ERN1: variants seen among roughly 807,000 people sequenced by gnomAD.
ERN1 encodes the protein serine/threonine-protein kinase/endoribonuclease IRE1.
ERN1 carries 39 observed loss-of-function variants against 113.1 expected under a neutral mutation model. The ratio of observed to expected loss-of-function variants is 0.34; its 90% CI spans 0.27 to 0.45. The LOEUF (loss-of-function observed/expected upper bound fraction) is 0.45. ERN1 is among the 20% of genes least tolerant of loss of function. The pLI is 1.00. For missense variants in ERN1, 976 were observed against 1,274.8 expected, an observed-to-expected ratio of 0.77 and a Z score of 3.57; for synonymous variants, 507 against 515.9, an observed-to-expected ratio of 0.98 and a Z score of 0.23.
chr17:64,095,176 C>T (rs994759157), intron 2 of ERN1, among the ~76,000 whole-genome samples: 15 of 152,178 alleles, frequency 9.9e-5, no homozygotes, highest in African/African-American at 3.6e-4. Context: ...CAGTGGCTCA[C>T]ATCTTTAATC....
At chr17:64,125,375 T>G (rs1040016115) in intron 1 of ERN1, among the ~76,000 whole-genome samples, 1 of 152,190 alleles carries the variant, frequency 6.6e-6, no homozygotes, top group South Asian at 2.1e-4. Flanking sequence ...ATGATCCCTA[T>G]GGCCACAGCA....
chr17:64,055,799 C>G lies in ERN1; in HGVS notation c.1548G>C (p.Pro516=), dbSNP rs1201245589. Reference sequence around the variant, plus strand: ...TGCTGGTGCCCGAGCTCTCTGAGTACGGGCCAGACGTGTCCAGGAGCTCGC... The same window carrying G: ...TGCTGGTGCCCGAGCTCTCTGAGTAGGGGCCAGACGTGTCCAGGAGCTCGC... ...QDGELLDTSG[P]YSESSGTSSP... The change falls in exon 13 of 22, where the codon CCG becomes CCC. Residue 516 remains proline (P), a synonymous_variant. Transcript: ENST00000433197. The G allele has an allele frequency of 3.7e-5, 59 of 1,586,574 alleles. No individual in the cohort carries two copies. Among genetic ancestry groups the G allele is most frequent in the Non-Finnish European group, 4.7e-5 (55 of 1,166,960 alleles).
rs538972227 is a variant in ERN1 at position 64,062,014 on chromosome 17, G to A, written c.1088-1427C>T. Among the ~76,000 whole-genome samples the A allele has an allele frequency of 3.9e-5, 6 of 152,304 alleles. No homozygotes were observed. In the South Asian group the frequency reaches 1.0e-3, roughly 26 times the overall value. On this transcript the variant is annotated intron_variant, in intron 10 of 21. Coordinates refer to ENST00000433197, the MANE Select transcript of ERN1 (RefSeq NM_001433.5). ...GGAGCTGGGCCTTCACTGATATCACGCTGTACACACTGGACCAACCACTGT... is the reference window on the plus strand; with the variant it reads ...GGAGCTGGGCCTTCACTGATATCACACTGTACACACTGGACCAACCACTGT...
rs1912608573 is a variant in ERN1, at chr17:64,049,240, G to C, written c.2254-38C>G. The C allele has an allele frequency of 6.5e-7, 1 of 1,537,742 alleles. No homozygotes were observed. Among genetic ancestry groups the C allele is most frequent in the South Asian group, 1.2e-5 (1 of 81,928 alleles). On this transcript the variant is annotated intron_variant, in intron 17 of 21. Coordinates refer to ENST00000433197, the MANE Select transcript of ERN1 (RefSeq NM_001433.5). This position sits in a 1 kb window ranked among gnomAD's most constrained non-coding sequence, Gnocchi z 4.7. ...ATGAGGCGTGAGAGGTCTGGGAGCA[G>C]AGTTTTCATCCTCACTCACAGTCAG...
intron 2 of ERN1, among the ~76,000 whole-genome samples, chr17:64,091,249 C>T (rs2172680): frequency 0.09 from 13,749 of 152,222 alleles, 659 homozygotes; most frequent in African/African-American, 0.11. Flanking sequence ...AAACCAACTG[C>T]CAAAGGCCAT....
Position 64,130,102 on chromosome 17 carries a change from G to C in ERN1, c.-73C>G. On this transcript the variant is annotated 5_prime_UTR_variant, in exon 1 of 22. Transcript: ENST00000433197. This position sits in a 1 kb window ranked among gnomAD's most constrained non-coding sequence, Gnocchi z 4.0. ...GGCGGGGGCGCCGCGACGACAGCGA[G>C]GCGGTGACCGAGCCTCAGCGGACGC... 8.0e-7 allele frequency: 1 copy of C among 1,256,452 alleles called. No individual in the cohort carries two copies. The allele number at this position is 1,256,452 out of a possible 1,614,324, so 77.8% of individuals were successfully genotyped here.
intron 7 of ERN1, chr17:64,067,927 T>C (rs992536824): frequency 1.3e-5 from 5 of 395,816 alleles, no homozygotes; most frequent in South Asian, 7.8e-5. Flanking sequence ...TTCTGTGACA[T>C]AGAAAGACTC....
chr17:64,055,985 G>T, intron 12 of ERN1, 37 bp from the exon 13 acceptor site: 1 of 1,501,454 alleles, frequency 6.7e-7, no homozygotes, highest in Non-Finnish European at 8.9e-7. Flanking sequence ...AAGGGCAGCT[G>T]TTCCCACAGG....
chr17:64,051,948 G>A (rs373955715), intron 17 of ERN1, among the ~76,000 whole-genome samples: 13 of 152,164 alleles, frequency 8.5e-5, no homozygotes, highest in Admixed American at 7.2e-4. Flanking sequence ...AGGTCTTCAG[G>A]GATGAAGGGC....
chr17:64,053,203 G>T, intron 16 of ERN1, 69 bp downstream of exon 16: 1 of 1,340,944 alleles, frequency 7.5e-7, no homozygotes, highest in Non-Finnish European at 1.0e-6. Context: ...CCGAGCTACT[G>T]GTTAGCCCCA....
intron 13 of ERN1, among the ~76,000 whole-genome samples, chr17:64,055,112 C>T (rs894711549): frequency 4.6e-5 from 7 of 152,250 alleles, no homozygotes; most frequent in Non-Finnish European, 1.0e-4. Context: ...GCGTTTCACA[C>T]ACTTATACAT....
At chr17:64,065,345 A>G in intron 8 of ERN1, 58 bp from the exon 9 acceptor site, 3 of 1,332,014 alleles carry the variant, frequency 2.3e-6, no homozygotes, top group Non-Finnish European at 3.1e-6. Flanking sequence ...ATCCCACAGA[A>G]GGGAGTAATC....
chr17:64,121,217 C>G (rs1191461219), intron 1 of ERN1, among the ~76,000 whole-genome samples: 1 of 152,192 alleles, frequency 6.6e-6, no homozygotes, highest in Non-Finnish European at 1.5e-5. Context: ...CTCCCTGGTG[C>G]CAGAACTGCT....
At chr17:64,098,051 C>T (rs1472254521) in intron 2 of ERN1, 70 bp downstream of exon 2, 13 of 1,570,018 alleles carry the variant, frequency 8.3e-6, no homozygotes, top group Non-Finnish European at 1.1e-5. Context: ...TTTTCTCTTT[C>T]TCCAGAATAT....
chr17:64,121,128 T>C (rs969565298), intron 1 of ERN1, among the ~76,000 whole-genome samples: 1 of 152,186 alleles, frequency 6.6e-6, no homozygotes, highest in Non-Finnish European at 1.5e-5. Context: ...GAGAGCTACC[T>C]AAGCTAACTT....
rs1913706551 is a variant in ERN1, at chr17:64,079,668, G to T, written c.276C>A (p.Gly92=). 1 of 1,613,360 alleles carries T rather than the reference G, an allele frequency of 6.2e-7. No individual in the cohort carries two copies. Among genetic ancestry groups the T allele is most frequent in the Non-Finnish European group, 8.5e-7 (1 of 1,179,340 alleles). ...LYTLGSKNNE[G]LTKLPFTIPE... is the part of the protein sequence containing the mutation. ...AGCAGCTAAATATACTCACCGTCAG[G>T]CCTTCATTATTCTTGCTTCCAAGCG... is the stretch of plus-strand genomic sequence containing the variant. Residue 92 remains glycine, a synonymous_variant, in exon 4 of 22, where the codon GGC becomes GGA. Transcript: ENST00000433197.
intron 1 of ERN1, among the ~76,000 whole-genome samples, chr17:64,108,566 A>G (rs113198058): frequency 1.5e-3 from 233 of 152,304 alleles, no homozygotes; most frequent in African/African-American, 5.4e-3. Flanking sequence ...CCAAGGTTAC[A>G]TGCTCATTTA....
chr17:64,080,618 C>G (rs1567873212), intron 3 of ERN1, 157 bp downstream of exon 3: 2 of 638,126 alleles, frequency 3.1e-6, no homozygotes, highest in East Asian at 6.0e-5. Context: ...CTCCTCAACA[C>G]AAGCTTTCAT....
rs1912321679 is a variant in ERN1, at chr17:64,041,045, G to A, written c.*2943C>T. ...CACCTGTAATCCCAGCTACTCGGGA[G>A]GCTGAGGCAGGAGAATTGCTTGAAC... On this transcript the variant is annotated 3_prime_UTR_variant, in exon 22 of 22. Transcript: ENST00000433197. 1 of 152,252 alleles carries A rather than the reference G, an allele frequency of 6.6e-6. No homozygotes were observed. Among genetic ancestry groups the A allele is most frequent in the Admixed American group, 6.5e-5 (1 of 15,280 alleles). The allele number at this position is 152,252 out of a possible 1,614,324, so 9.4% of individuals were successfully genotyped here. A position where few individuals can be genotyped will look rare whatever the true frequency, so the allele number is the denominator to read the frequency against.
Sources: allele counts gnomAD v4.1 joint callset (sites outside exome capture counted in the v4.1 genomes callset), GRCh38; gene constraint gnomAD v4.1.1; non-coding constraint Gnocchi (gnomAD v3.1); transcripts MANE v1.5; gene names NCBI Gene and HGNC (gene_info 2026-07-23, HGNC 2026-07-21).